The following ABCB8 variants were observed in gnomAD, a reference collection of about 807,000 sequenced individuals.
The protein encoded by ABCB8 is ATP binding cassette subfamily B member 8.
A neutral mutation model predicts 73.0 loss-of-function variants in ABCB8; 52 were observed. The observed-to-expected ratio is 0.71, with a 90% CI of 0.57 to 0.90. The LOEUF (loss-of-function observed/expected upper bound fraction) is 0.90, where lower values mean the gene tolerates loss of function less well. Ranked by LOEUF, ABCB8 falls within the 40% of genes least tolerant of loss-of-function variation. The pLI is 0.00. For missense variants in ABCB8, 909 were observed against 974.6 expected (o/e 0.93, Z 0.90); for synonymous variants, 428 against 423.5 (o/e 1.01, Z -0.13).
intron 9 of ABCB8, chr7:151,037,166 T>C: frequency 1.4e-6 from 1 of 702,982 alleles, no homozygotes; most frequent in Non-Finnish European, 2.6e-6. Flanking sequence ...TTGACAACTC[T>C]AGGGACGTCC....
Position 151,036,669 on chromosome 7 carries a change from A to T in ABCB8, c.1217+20A>T. ...GCAAAGGTAAGTGGGGGCCGTTCCC[A>T]TTGCTACAGAGCCCCCTGCCGCCCT... On this transcript the variant is annotated intron_variant, in intron 9 of 15. Coordinates refer to ENST00000358849, the MANE Select transcript of ABCB8 (RefSeq NM_007188.5). 1 of 1,569,690 alleles carries T rather than the reference A, an allele frequency of 6.4e-7. No individual in the cohort carries two copies. The highest frequency in any genetic ancestry group is 2.2e-5 in the East Asian group (1 of 44,464).
At chr7:151,040,722 C>T in intron 11 of ABCB8, 88 bp downstream of exon 11, 2 of 1,599,914 alleles carry the variant, frequency 1.3e-6, no homozygotes, top group South Asian at 2.2e-5. Flanking sequence ...GACTAATGTC[C>T]CCCATAAACA....
At chr7:151,044,345 G>A in intron 15 of ABCB8, 124 bp downstream of exon 15, 7 of 1,455,342 alleles carry the variant, frequency 4.8e-6, no homozygotes, top group Non-Finnish European at 6.5e-6. Context: ...GCTATATTCT[G>A]GAAGCAGCGT....
At chr7:151,038,302 C>T (rs1200624270) in intron 9 of ABCB8, 2 of 151,976 alleles carry the variant, frequency 1.3e-5, no homozygotes, top group Admixed American at 6.6e-5. Flanking sequence ...GTGGGTGGAT[C>T]GTGAAGTTAA....
intron 10 of ABCB8, 38 bp from the exon 11 acceptor site, chr7:151,040,460 C>G: frequency 2.5e-6 from 4 of 1,593,808 alleles, no homozygotes; most frequent in Non-Finnish European, 3.4e-6. Context: ...GTCACCCCTA[C>G]TCCTGCCTCC....
chr7:151,047,766 A>G lies in ABCB8; in HGVS notation c.*2417A>G, dbSNP rs1464195088. The G allele has an allele frequency of 6.6e-6, 1 of 152,268 alleles. No individual in the cohort carries two copies. Among genetic ancestry groups the G allele is most frequent in the Non-Finnish European group, 1.5e-5 (1 of 68,046 alleles). The allele number at this position is 152,268 out of a possible 1,614,324, so 9.4% of individuals were successfully genotyped here. A position where few individuals can be genotyped will look rare whatever the true frequency, so the allele number is the denominator to read the frequency against. On this transcript the variant is annotated 3_prime_UTR_variant, in exon 16 of 16. Coordinates refer to ENST00000358849, the MANE Select transcript of ABCB8 (RefSeq NM_007188.5). ...CAGTGGGGGAGTCATTAAATAAACT[A>G]TGGTATGTGCACATAATGGGTGGTA... is the stretch of plus-strand genomic sequence containing the variant.
At chr7:151,041,299 T>C (rs1331352291) in intron 13 of ABCB8, 67 bp downstream of exon 13, 8 of 1,502,858 alleles carry the variant, frequency 5.3e-6, no homozygotes, top group Admixed American at 4.4e-5. Flanking sequence ...GCCCCCTTAG[T>C]CCTCAGGTGC....
Position 151,041,209 on chromosome 7 carries a change from C to A in ABCB8, c.1594C>A (p.Gln532Lys). The A allele has an allele frequency of 6.2e-7, 1 of 1,604,608 alleles. No individual in the cohort carries two copies. The highest frequency in any genetic ancestry group is 8.5e-7 in the Non-Finnish European group (1 of 1,179,406). ...CCTTGACCCCTCCTGGCTCCGGGGC[C>A]AGGTTGTCGGCTTCATCAGCCAGGT... Reference protein sequence around the residue: ...RTLDPSWLRGQVVGFISQEPV... With the variant: ...RTLDPSWLRGKVVGFISQEPV... Residue 532 changes from glutamine (Q) to lysine (K), a missense_variant, in exon 13 of 16, where the codon CAG (glutamine) becomes AAG (lysine). Transcript: ENST00000358849.
intron 5 of ABCB8, 38 bp from the exon 6 acceptor site, chr7:151,035,543 G>A (rs41282730): frequency 0.066 from 101,710 of 1,551,872 alleles, 4,708 homozygotes; most frequent in African/African-American, 0.23. Flanking sequence ...GTCATGGTGC[G>A]GACGCCGTAG....
At chr7:151,040,700 G>T in intron 11 of ABCB8, 66 bp downstream of exon 11, 1 of 1,599,974 alleles carries the variant, frequency 6.3e-7, no homozygotes, top group East Asian at 2.2e-5. Context: ...TGGATTCGGG[G>T]GTGGAGGTCT....
rs201851187 is a variant in ABCB8 at position 151,041,171 on chromosome 7, G to A, written c.1556G>A (p.Arg519Gln). ...GCAGGCGTGGTGATGCTGGATGGGC[G>A]GGACCTGCGCACCCTTGACCCCTCC... Reference protein sequence around the residue: ...PTAGVVMLDGRDLRTLDPSWL... With the variant: ...PTAGVVMLDGQDLRTLDPSWL... Residue 519 changes from arginine (R) to glutamine (Q), a missense_variant, in exon 13 of 16, where the codon CGG becomes CAG. Coordinates refer to ENST00000358849, the MANE Select transcript of ABCB8 (RefSeq NM_007188.5). 3.6e-5 allele frequency: 58 copies of A among 1,610,560 alleles called. 1 individual carries two copies. Among genetic ancestry groups the A allele is most frequent in the Middle Eastern group, 1.6e-4 (1 of 6,084 alleles).
chr7:151,035,840 T>A, intron 6 of ABCB8, 42 bp from the exon 7 acceptor site: 1 of 1,610,934 alleles, frequency 6.2e-7, no homozygotes, highest in Non-Finnish European at 8.5e-7. Context: ...CTCCTTGTCC[T>A]GTTTTCTGGA....
Position 151,034,345 on chromosome 7 carries a change from A to G in ABCB8, c.481A>G (p.Lys161Glu). The change falls in exon 3 of 16, where the codon AAG becomes GAG. Residue 161 changes from lysine (K) to glutamate (E), a missense_variant. Physicochemically the swap from Lys to Glu is moderately conservative, Grantham distance 56 (BLOSUM62 1). Transcript: ENST00000358849. Reference protein sequence around the residue: ...LLGQLVEVVAKYTRDHVGSFM... With the variant: ...LLGQLVEVVAEYTRDHVGSFM... ...GGGCCAGCTGGTAGAGGTCGTGGCC[A>G]AGTACACAAGGGACCACGTAGGGAG... is the stretch of plus-strand genomic sequence containing the variant. 1 of 1,613,868 alleles carries G rather than the reference A, an allele frequency of 6.2e-7. No individual in the cohort carries two copies. Among genetic ancestry groups the G allele is most frequent in the Non-Finnish European group, 8.5e-7 (1 of 1,179,970 alleles).
chr7:151,035,196 C>G (rs999690424), intron 5 of ABCB8, among the ~76,000 whole-genome samples: 1 of 152,214 alleles, frequency 6.6e-6, no homozygotes, highest in African/African-American at 2.4e-5. Flanking sequence ...CTACCGAACA[C>G]AGATGCCCTC....
chr7:151,034,381 G>A lies in ABCB8; in HGVS notation c.517G>A (p.Glu173Lys), dbSNP rs1274126666. The change falls in exon 3 of 16, where the codon GAG becomes AAG. Residue 173 changes from glutamate (E) to lysine (K), a missense_variant. Glu to Lys is a moderately conservative substitution (Grantham distance 56, BLOSUM62 1). Transcript: ENST00000358849. Reference sequence around the variant, plus strand: ...GGACCACGTAGGGAGTTTCATGACTGAGTCCCAGAATCTCAGCACCCACCT... The same window carrying A: ...GGACCACGTAGGGAGTTTCATGACTAAGTCCCAGAATCTCAGCACCCACCT... ...TRDHVGSFMT[E>K]SQNLSTHLLI... The A allele has an allele frequency of 6.2e-7, 1 of 1,613,994 alleles. No homozygotes were observed. Among genetic ancestry groups the A allele is most frequent in the East Asian group, 2.2e-5 (1 of 44,880 alleles).
At position 151,041,210 on chromosome 7, in the gene ABCB8, A is replaced by G. The variant is rs755329372; in HGVS notation, c.1595A>G (p.Gln532Arg). The change falls in exon 13 of 16, where the codon CAG becomes CGG. Residue 532 changes from glutamine (Q) to arginine (R), a missense_variant. Coordinates refer to ENST00000358849, the MANE Select transcript of ABCB8 (RefSeq NM_007188.5). ...CTTGACCCCTCCTGGCTCCGGGGCCAGGTTGTCGGCTTCATCAGCCAGGTG... is the reference window on the plus strand; with the variant it reads ...CTTGACCCCTCCTGGCTCCGGGGCCGGGTTGTCGGCTTCATCAGCCAGGTG... ...RTLDPSWLRGQVVGFISQEPV... is the reference protein window; with the variant it reads ...RTLDPSWLRGRVVGFISQEPV... 3.1e-6 allele frequency: 5 copies of G among 1,604,328 alleles called. No individual in the cohort carries two copies. The highest frequency in any genetic ancestry group is 1.7e-4 in the Middle Eastern group (1 of 6,046).
At chr7:151,043,927 C>G (rs1796542876) in intron 14 of ABCB8, 44 bp from the exon 15 acceptor site, 1 of 1,597,726 alleles carries the variant, frequency 6.3e-7, no homozygotes, top group Admixed American at 1.7e-5. Context: ...GGGCCACCCT[C>G]AAGTGCACAG....
chr7:151,033,903 G>T lies in ABCB8; in HGVS notation c.394G>T (p.Gly132Trp). ...QFLHPHLLVL[G>W]VAVVLALGAA... ...TCTGCACCCCCACCTGCTGGTCCTGGGGGTAGCCGTCGTGGTGAGGCTTTC... is the reference window on the plus strand; with the variant it reads ...TCTGCACCCCCACCTGCTGGTCCTGTGGGTAGCCGTCGTGGTGAGGCTTTC... The change falls in exon 2 of 16, where the codon GGG becomes TGG. Residue 132 changes from glycine (G) to tryptophan (W), a missense_variant. Coordinates refer to ENST00000358849, the MANE Select transcript of ABCB8 (RefSeq NM_007188.5). The T allele has an allele frequency of 6.3e-7, 1 of 1,599,758 alleles. No individual in the cohort carries two copies.
intron 10 of ABCB8, 37 bp from the exon 11 acceptor site, chr7:151,040,461 T>C: frequency 1.3e-6 from 2 of 1,594,328 alleles, no homozygotes; most frequent in Non-Finnish European, 1.7e-6. Context: ...TCACCCCTAC[T>C]CCTGCCTCCC....
Sources: gnomAD v4.1 joint callset for allele counts (sites outside exome capture counted in the v4.1 genomes callset) on GRCh38, gnomAD v4.1.1 for gene constraint, MANE v1.5 for transcripts, NCBI Gene and HGNC (gene_info 2026-07-23, HGNC 2026-07-21) for gene names.